The following C11orf65 variants were observed in gnomAD, a reference collection of about 807,000 sequenced individuals.
C11orf65 encodes chromosome 11 open reading frame 65.
C11orf65 carries 38 observed loss-of-function variants against 35.3 expected under a neutral mutation model. That is an observed-to-expected ratio of 1.08 (90% confidence interval 0.83 to 1.41). C11orf65 has a LOEUF of 1.41. Ranked by LOEUF, C11orf65 falls within the 40% of genes most tolerant of loss-of-function variation. The pLI is 0.00. For synonymous variants in C11orf65, 105 were observed against 114.4 expected, an observed-to-expected ratio of 0.92 and a Z score of 0.53; for missense variants, 370 against 367.1, an observed-to-expected ratio of 1.01 and a Z score of -0.06.
At chr11:108,444,430 T>A (rs555670679) in intron 2 of C11orf65, among the ~76,000 whole-genome samples, 1 of 152,100 alleles carries the variant, frequency 6.6e-6, no homozygotes, top group East Asian at 1.9e-4. Flanking sequence ...ACTATCCCAA[T>A]CAATAGAAAA....
rs1269448741 is a variant in C11orf65, at chr11:108,405,556, A to G, written c.433T>C (p.Trp145Arg). ...NGWRPVSDTF[W>R]LSTDGMVVED... ...ACCACCATACCATCAGTAGATAGCC[A>G]AAACTATTGAGAAACAAAAATGAAC... The change falls in exon 6 of 9, where the codon TGG becomes CGG. Residue 145 changes from tryptophan (W) to arginine (R), a missense_variant. Coordinates refer to ENST00000393084, the MANE Select transcript of C11orf65 (RefSeq NM_152587.5). 2 of 1,611,396 alleles carry G rather than the reference A, an allele frequency of 1.2e-6. No homozygotes were observed. The highest frequency in any genetic ancestry group is 8.5e-7 in the Non-Finnish European group (1 of 1,179,380).
chr11:108,349,259 A>G (rs1260678844), intron 2 of C11orf65, among the ~76,000 whole-genome samples: 6 of 152,230 alleles, frequency 3.9e-5, no homozygotes, highest in African/African-American at 2.4e-5. Flanking sequence ...AGACCTTTGA[A>G]TTTAACAAGT....
intron 2 of C11orf65, among the ~76,000 whole-genome samples, chr11:108,364,615 A>G (rs910468522): frequency 6.6e-6 from 1 of 152,166 alleles, no homozygotes; most frequent in Non-Finnish European, 1.5e-5. Flanking sequence ...AGAATTTCAG[A>G]TTTGTTACTG....
At chr11:108,383,870 CTTTTT>C (rs10563376) in intron 8 of C11orf65, among the ~76,000 whole-genome samples, 16 of 117,858 alleles carry the variant, frequency 1.4e-4, no homozygotes, top group Admixed American at 2.6e-4. Flanking sequence ...ATATTGTTTC[CTTTTT>C]TTTTTTTTTT....
At chr11:108,396,705 G>A (rs2092315916) in intron 6 of C11orf65, among the ~76,000 whole-genome samples, 1 of 151,640 alleles carries the variant, frequency 6.6e-6, no homozygotes, top group Non-Finnish European at 1.5e-5. Context: ...GTGGTGGCAG[G>A]TGCTTGTAGT....
chr11:108,323,227 A>AG (rs2085359694), intron 6 of C11orf65, among the ~76,000 whole-genome samples: 1 of 152,240 alleles, frequency 6.6e-6, no homozygotes, highest in African/African-American at 2.4e-5. Context: ...GTGGCTTAGG[A>AG]GGAAAATAAA....
At chr11:108,313,167 A>T (rs545101869) in intron 6 of C11orf65, among the ~76,000 whole-genome samples, 1 of 152,302 alleles carries the variant, frequency 6.6e-6, no homozygotes, top group Admixed American at 6.5e-5. Context: ...TCTATTTGAG[A>T]CTAATTCTTC....
intron 2 of C11orf65, among the ~76,000 whole-genome samples, chr11:108,458,902 T>TG (rs1422841813): frequency 6.6e-6 from 1 of 151,860 alleles, no homozygotes; most frequent in African/African-American, 2.4e-5. Context: ...CACAATTATG[T>TG]GGGAAAAAAA....
intron 2 of C11orf65, among the ~76,000 whole-genome samples, chr11:108,358,440 G>T (rs1012219347): frequency 1.3e-5 from 2 of 151,012 alleles, no homozygotes; most frequent in African/African-American, 2.4e-5. Context: ...AGGAAATACA[G>T]AGAATGCCAC....
chr11:108,429,072 A>G (rs2092949502), intron 3 of C11orf65, among the ~76,000 whole-genome samples: 3 of 152,154 alleles, frequency 2.0e-5, no homozygotes, highest in Admixed American at 2.0e-4. Flanking sequence ...GCTTGGGCCC[A>G]GGAGGTTGAG....
intron 6 of C11orf65, chr11:108,321,453 G>C (rs1327131645): frequency 6.2e-7 from 1 of 1,613,604 alleles, no homozygotes; most frequent in Admixed American, 1.7e-5. Context: ...TTATCCTAAA[G>C]TGCAGCTTTT....
chr11:108,437,003 G>T lies in C11orf65; in HGVS notation c.82-5165C>A, dbSNP rs548423584. ...AAGAAATACTACAGACACATCTATA[G>T]TTCCAGAACTTTGGGAGGCTGACAT... On this transcript the variant is annotated intron_variant, in intron 2 of 8. Transcript: ENST00000393084. Among the ~76,000 whole-genome samples, 16 of 145,458 alleles carry T rather than the reference G, an allele frequency of 1.1e-4. No individual in the cohort carries two copies. In the South Asian group the frequency reaches 3.5e-3, roughly 32 times the overall value.
chr11:108,349,607 G>A (rs540719349), intron 2 of C11orf65, among the ~76,000 whole-genome samples: 17 of 152,228 alleles, frequency 1.1e-4, no homozygotes, highest in African/African-American at 4.1e-4. Flanking sequence ...AGGTTGCAGT[G>A]AGCTAAGATC....
rs774276048 is a variant in C11orf65 at position 108,332,917 on chromosome 11, G to A, written c.300-1350C>T. ...CTCAGAGAAGTATGTTTTTTTTAAAGAAGAAACGTTACTTTCTTGCTGTGT... is the reference window on the plus strand; with the variant it reads ...CTCAGAGAAGTATGTTTTTTTTAAAAAAGAAACGTTACTTTCTTGCTGTGT... On this transcript the variant is annotated intron_variant, in intron 3 of 3. Coordinates refer to the C11orf65 transcript ENST00000524755. 16 of 1,607,840 alleles carry A rather than the reference G, an allele frequency of 1.0e-5. No homozygotes were observed. Among genetic ancestry groups the A allele is most frequent in the Non-Finnish European group, 1.4e-5 (16 of 1,177,656 alleles).
intron 7 of C11orf65, among the ~76,000 whole-genome samples, chr11:108,391,755 C>A (rs58071420): frequency 6.6e-6 from 1 of 151,048 alleles, no homozygotes; most frequent in Non-Finnish European, 1.5e-5. Context: ...CCCCTCCCCC[C>A]AGTTAATTCT....
chr11:108,363,752 A>T (rs1398760223), intron 2 of C11orf65, among the ~76,000 whole-genome samples: 1 of 152,090 alleles, frequency 6.6e-6, no homozygotes. Context: ...CTGAAACATA[A>T]TTTTTTACTT....
intron 2 of C11orf65, among the ~76,000 whole-genome samples, chr11:108,348,267 G>A (rs2088716697): frequency 6.8e-6 from 1 of 147,900 alleles, no homozygotes; most frequent in South Asian, 2.2e-4. Flanking sequence ...AATATATATA[G>A]CTAAGGAATA....
chr11:108,442,477 C>A lies in C11orf65; in HGVS notation c.82-10639G>T, dbSNP rs559591869. Among the ~76,000 whole-genome samples, 8 of 152,222 alleles carry A rather than the reference C, an allele frequency of 5.3e-5. No individual in the cohort carries two copies. In the East Asian group the frequency reaches 1.5e-3, roughly 29 times the overall value. ...TCAAATTCAGGAAATACAGAGAATG[C>A]CACAAAGATACTCCTCGAGAAGAGC... On this transcript the variant is annotated intron_variant, in intron 2 of 8. Transcript: ENST00000393084.
At chr11:108,401,445 A>C (rs1411284762) in intron 6 of C11orf65, among the ~76,000 whole-genome samples, 5 of 152,146 alleles carry the variant, frequency 3.3e-5, no homozygotes, top group Non-Finnish European at 5.9e-5. Flanking sequence ...AGTGAGCCTT[A>C]TCTCTCCTTC....
Sources: allele counts gnomAD v4.1 joint callset (sites outside exome capture counted in the v4.1 genomes callset), GRCh38; gene constraint gnomAD v4.1.1; transcripts MANE v1.5; gene names NCBI Gene and HGNC (gene_info 2026-07-23, HGNC 2026-07-21).